PABPC4L: variants seen among roughly 807,000 people sequenced by gnomAD.
The protein encoded by PABPC4L is polyadenylate-binding protein 4-like.
For synonymous variants in PABPC4L, 169 were observed against 164.1 expected (o/e 1.03, Z -0.23); for missense variants, 452 against 451.4 (o/e 1.00, Z -0.01).
At chr4:133,974,376 T>C in the PABPC4L span, among the ~76,000 whole-genome samples, 1 of 152,034 alleles carries the variant, frequency 6.6e-6, no homozygotes, top group South Asian at 2.1e-4. Flanking sequence ...GAGATGTAAA[T>C]ATAAGACTAC....
chr4:133,954,317 C>T, the PABPC4L span, among the ~76,000 whole-genome samples: 94 of 152,246 alleles, frequency 6.2e-4, no homozygotes, highest in Non-Finnish European at 1.2e-3. Context: ...TAAGGGGGAA[C>T]ATGGGGACGA....
At chr4:134,100,622 C>CT in the PABPC4L span, among the ~76,000 whole-genome samples, 2 of 151,570 alleles carry the variant, frequency 1.3e-5, no homozygotes, top group Non-Finnish European at 3.0e-5. Flanking sequence ...TACTACCTCT[C>CT]TATGTACCCT....
chr4:134,123,545 A>T, the PABPC4L span, among the ~76,000 whole-genome samples: 572 of 152,114 alleles, frequency 3.8e-3, 2 homozygotes, highest in African/African-American at 0.013. Context: ...TTACAAAGAA[A>T]TTTTACCTAG....
the PABPC4L span, among the ~76,000 whole-genome samples, chr4:134,099,750 A>G: frequency 6.6e-6 from 1 of 151,580 alleles, no homozygotes; most frequent in East Asian, 1.9e-4. Context: ...AATCCTCACA[A>G]AAATGCTATT....
the PABPC4L span, among the ~76,000 whole-genome samples, chr4:133,961,189 G>T: frequency 9.8e-3 from 1,490 of 152,146 alleles, 20 homozygotes; most frequent in African/African-American, 0.034. Flanking sequence ...ACCAGAACAG[G>T]TGCTGGTATC....
At chr4:134,080,637 T>A in the PABPC4L span, among the ~76,000 whole-genome samples, 229 of 152,266 alleles carry the variant, frequency 1.5e-3, 1 homozygote, top group African/African-American at 5.1e-3. Flanking sequence ...CTTTGGTTAA[T>A]AAAACATCAT....
At chr4:134,016,706 C>A in the PABPC4L span, among the ~76,000 whole-genome samples, 2 of 152,140 alleles carry the variant, frequency 1.3e-5, no homozygotes, top group Non-Finnish European at 2.9e-5. Flanking sequence ...ATTTCATAAC[C>A]TCTTCCACGT....
chr4:134,106,565 A>G, the PABPC4L span, among the ~76,000 whole-genome samples: 1 of 151,606 alleles, frequency 6.6e-6, no homozygotes, highest in African/African-American at 2.4e-5. Context: ...AGTGAGACAG[A>G]AAAATATGAA....
chr4:134,067,873 C>T, the PABPC4L span, among the ~76,000 whole-genome samples: 16 of 152,042 alleles, frequency 1.1e-4, no homozygotes, highest in African/African-American at 3.9e-4. Flanking sequence ...TTTTTTATTG[C>T]ATTGTGGTCT....
At chr4:134,112,018 A>AGAAGTAATAT in the PABPC4L span, among the ~76,000 whole-genome samples, 1 of 152,036 alleles carries the variant, frequency 6.6e-6, no homozygotes, top group Non-Finnish European at 1.5e-5. Context: ...TGAAATATCA[A>AGAAGTAATAT]ACTATACAAG....
chr4:134,015,274 A>G, the PABPC4L span, among the ~76,000 whole-genome samples: 1 of 152,088 alleles, frequency 6.6e-6, no homozygotes, highest in Non-Finnish European at 1.5e-5. Context: ...CTGTCCTAGA[A>G]CCAGAAAAGC....
chr4:134,027,131 A>G, the PABPC4L span, among the ~76,000 whole-genome samples: 1 of 152,194 alleles, frequency 6.6e-6, no homozygotes, highest in Non-Finnish European at 1.5e-5. Context: ...AGAATGTTGC[A>G]GAAACAATAC....
chr4:133,972,200 T>C, the PABPC4L span, among the ~76,000 whole-genome samples: 2 of 152,330 alleles, frequency 1.3e-5, no homozygotes, highest in South Asian at 4.1e-4. Flanking sequence ...TGTTGTAGTA[T>C]GTATTTTAAT....
chr4:134,001,249 C>T, the PABPC4L span, among the ~76,000 whole-genome samples: 1 of 134,332 alleles, frequency 7.4e-6, no homozygotes, highest in Non-Finnish European at 1.7e-5. Context: ...GAAGAAACAG[C>T]ATGACAGCAT....
At chr4:134,156,219 C>T in the PABPC4L span, among the ~76,000 whole-genome samples, 3 of 151,860 alleles carry the variant, frequency 2.0e-5, no homozygotes, top group East Asian at 5.8e-4. Context: ...CTAAAGTAAT[C>T]TCGACCTAAG....
At chr4:134,056,776 T>G in the PABPC4L span, among the ~76,000 whole-genome samples, 1 of 151,988 alleles carries the variant, frequency 6.6e-6, no homozygotes, top group Non-Finnish European at 1.5e-5. Context: ...GTTCTAGATG[T>G]TTTTTGGTAG....
At chr4:134,028,354 T>A in the PABPC4L span, among the ~76,000 whole-genome samples, 1 of 152,066 alleles carries the variant, frequency 6.6e-6, no homozygotes, top group Non-Finnish European at 1.5e-5. Flanking sequence ...TTTCATCCTC[T>A]CCTCATGCTA....
the PABPC4L span, among the ~76,000 whole-genome samples, chr4:134,071,228 C>A: frequency 6.6e-6 from 1 of 152,080 alleles, no homozygotes; most frequent in Non-Finnish European, 1.5e-5. Context: ...TAGTGCCATG[C>A]AGGGTTCCCA....
the PABPC4L span, among the ~76,000 whole-genome samples, chr4:134,089,286 A>G: frequency 6.6e-6 from 1 of 152,104 alleles, no homozygotes; most frequent in Non-Finnish European, 1.5e-5. Context: ...AATATTGAAC[A>G]GAAGTTACAA....
Sources: gnomAD v4.1 joint callset for allele counts (sites outside exome capture counted in the v4.1 genomes callset) on GRCh38, gnomAD v4.1.1 for gene constraint, MANE v1.5 for transcripts, NCBI Gene and HGNC (gene_info 2026-07-23, HGNC 2026-07-21) for gene names.